The following KLF7 variants were observed in gnomAD, a reference collection of about 807,000 sequenced individuals.
The protein encoded by KLF7 is Krueppel-like factor 7.
Under a neutral mutation model 27.3 loss-of-function variants are expected in KLF7, and 2 were observed. The observed-to-expected ratio is 0.07, with a 90% CI of 0.03 to 0.23. The LOEUF (loss-of-function observed/expected upper bound fraction) is 0.23. KLF7 is among the 10% of genes least tolerant of loss of function. The probability of loss-of-function intolerance (pLI) is 1.00; values close to 1 mark genes in which losing one functional copy is unlikely to be tolerated. For synonymous variants in KLF7, 165 were observed against 162.4 expected, an observed-to-expected ratio of 1.02 and a Z score of -0.12; for missense variants, 221 against 394.1, an observed-to-expected ratio of 0.56 and a Z score of 3.72.
chr2:207,111,653 C>A (rs2244696), intron 2 of KLF7, among the ~76,000 whole-genome samples: 60,327 of 151,886 alleles, frequency 0.4, 12,575 homozygotes, highest in African/African-American at 0.52. Context: ...CCATGGAATA[C>A]CTCCTTTCTT....
At chr2:207,167,326 T>A (rs564779324), upstream of KLF7, 8 of 402,044 alleles carry the variant, frequency 2.0e-5, no homozygotes, top group East Asian at 3.2e-4. Context: ...GGTTTAAGCT[T>A]CCCCAAAATG....
At chr2:207,096,712 G>C (rs66904473) in intron 2 of KLF7, among the ~76,000 whole-genome samples, 11,341 of 152,172 alleles carry the variant, frequency 0.075, 523 homozygotes, top group Middle Eastern at 0.13. Flanking sequence ...GCCAGGATGT[G>C]AATTTTGTGA....
At chr2:207,128,072 T>C (rs1044719109) in intron 1 of KLF7, among the ~76,000 whole-genome samples, 18 of 152,096 alleles carry the variant, frequency 1.2e-4, no homozygotes, top group Non-Finnish European at 1.5e-5. Context: ...AATATCATTA[T>C]CCAATAAAGG....
At chr2:207,123,359 A>G (rs11892436) in intron 2 of KLF7, among the ~76,000 whole-genome samples, 5,359 of 152,248 alleles carry the variant, frequency 0.035, 314 homozygotes, top group African/African-American at 0.12. Context: ...GTGAATAGGG[A>G]CACCCTAGCT....
chr2:207,172,415 GTCT>G, the KLF7 span, among the ~76,000 whole-genome samples: 20 of 152,064 alleles, frequency 1.3e-4, no homozygotes, highest in Admixed American at 1.2e-3. Context: ...GGGTCTTTGT[GTCT>G]TCATTTTTGA....
chr2:207,137,539 A>G (rs1574539012), intron 1 of KLF7, among the ~76,000 whole-genome samples: 1 of 152,194 alleles, frequency 6.6e-6, no homozygotes, highest in East Asian at 1.9e-4. Context: ...TCATTATTTC[A>G]CAGATACAGA....
intron 2 of KLF7, among the ~76,000 whole-genome samples, chr2:207,092,705 A>G (rs750375884): frequency 5.3e-5 from 8 of 152,226 alleles, no homozygotes; most frequent in Non-Finnish European, 8.8e-5. Context: ...CTCTCCCTAT[A>G]TCGTGATCAT....
At chr2:207,085,319 T>C (rs1278078996) in intron 3 of KLF7, among the ~76,000 whole-genome samples, 1 of 151,954 alleles carries the variant, frequency 6.6e-6, no homozygotes, top group Non-Finnish European at 1.5e-5. Flanking sequence ...ATGCACCCTC[T>C]AAACTGCCCA....
At chr2:207,148,048 A>C (rs2078145106) in intron 1 of KLF7, among the ~76,000 whole-genome samples, 1 of 152,196 alleles carries the variant, frequency 6.6e-6, no homozygotes, top group Non-Finnish European at 1.5e-5. Context: ...AAGTACATAA[A>C]TATTTAATTT....
In KLF7 at chr2:207,080,937, C is replaced by G; in HGVS notation, c.*276G>C. On this transcript the variant is annotated 3_prime_UTR_variant, in exon 4 of 4. Transcript: ENST00000309446. ...CAGCCAGTCTGCCTTGCTGAGTTCA[C>G]CTGGTTTCCTTCTTCATCTTCTTCC... The G allele has an allele frequency of 2.3e-6, 1 of 436,540 alleles. No individual in the cohort carries two copies. The highest frequency in any genetic ancestry group is 4.0e-6 in the Non-Finnish European group (1 of 247,814). The allele number at this position is 436,540 out of a possible 1,614,324, so 27.0% of individuals were successfully genotyped here. A position where few individuals can be genotyped will look rare whatever the true frequency, so the allele number is the denominator to read the frequency against.
chr2:207,082,691 CTA>C (rs2076300867), intron 3 of KLF7, among the ~76,000 whole-genome samples: 1 of 152,202 alleles, frequency 6.6e-6, no homozygotes, highest in Non-Finnish European at 1.5e-5. Context: ...GCTTTCTAAC[CTA>C]TGAGAAAGTT....
chr2:207,124,558 T>C lies in KLF7; in HGVS notation c.103-154A>G, dbSNP rs1574505293. ...GTAGAAGGTCTGACCTTGTTATTTATTCTCTGAATACCTCTGAAAGGTTCA... is the reference window on the plus strand; with the variant it reads ...GTAGAAGGTCTGACCTTGTTATTTACTCTCTGAATACCTCTGAAAGGTTCA... On this transcript the variant is annotated intron_variant, in intron 1 of 3. Transcript: ENST00000309446. 11 of 689,332 alleles carry C rather than the reference T, an allele frequency of 1.6e-5. No individual in the cohort carries two copies. The East Asian group carries it at 2.7e-4, about 17-fold the overall frequency. 42.7% of individuals were successfully genotyped at this position (689,332 alleles called of 1,614,324 possible). A position where few individuals can be genotyped will look rare whatever the true frequency, so the allele number is the denominator to read the frequency against.
At chr2:207,138,992 A>T (rs1455028484) in intron 1 of KLF7, among the ~76,000 whole-genome samples, 1 of 152,190 alleles carries the variant, frequency 6.6e-6, no homozygotes, top group Non-Finnish European at 1.5e-5. Context: ...TGGCGCCTAC[A>T]CTATCAGGAT....
intron 2 of KLF7, among the ~76,000 whole-genome samples, chr2:207,095,178 G>A (rs2076600066): frequency 6.6e-6 from 1 of 151,592 alleles, no homozygotes; most frequent in Admixed American, 6.6e-5. Flanking sequence ...GTACCGAGTA[G>A]CTGGGACTAC....
At position 207,125,581 on chromosome 2, in the gene KLF7, G is replaced by A. The variant is rs1275553021; in HGVS notation, c.103-1177C>T. The stretch of plus-strand genomic sequence containing the variant: ...ATATTTTAATGATATACCTAGTAGT[G>A]TTGTATCTGTCAAGGATTTTATTTT... On this transcript the variant is annotated intron_variant, in intron 1 of 3. Coordinates refer to ENST00000309446, the MANE Select transcript of KLF7 (RefSeq NM_003709.4). Among the ~76,000 whole-genome samples, 6 of 152,170 alleles carry A rather than the reference G, an allele frequency of 3.9e-5. No homozygotes were observed. The East Asian group carries it at 5.8e-4, about 15-fold the overall frequency.
At chr2:207,166,878 G>T, upstream of KLF7, 1 of 1,076,704 alleles carries the variant, frequency 9.3e-7, no homozygotes, top group South Asian at 4.4e-5. Context: ...AAGGGGAGCG[G>T]AGCGAGACCG....
chr2:207,143,412 C>T (rs2078000700), intron 1 of KLF7, among the ~76,000 whole-genome samples: 1 of 151,314 alleles, frequency 6.6e-6, no homozygotes, highest in Admixed American at 6.6e-5. Flanking sequence ...AAAAATCCCT[C>T]CATTTACCAA....
chr2:207,169,678 G>A (rs751876525), upstream of KLF7, among the ~76,000 whole-genome samples: 1 of 152,090 alleles, frequency 6.6e-6, no homozygotes, highest in Non-Finnish European at 1.5e-5. Context: ...CCAACAACAT[G>A]TACCCACTTT....
intron 2 of KLF7, among the ~76,000 whole-genome samples, chr2:207,117,740 A>G (rs1461029803): frequency 2.0e-5 from 3 of 152,190 alleles, no homozygotes; most frequent in Non-Finnish European, 4.4e-5. Flanking sequence ...CTATTTATAT[A>G]AATTACTATA....
Sources: gnomAD v4.1 joint callset for allele counts (sites outside exome capture counted in the v4.1 genomes callset) on GRCh38, gnomAD v4.1.1 for gene constraint, MANE v1.5 for transcripts, NCBI Gene and HGNC (gene_info 2026-07-23, HGNC 2026-07-21) for gene names.